The following USP39 variants were observed in gnomAD, a reference collection of about 807,000 sequenced individuals.
USP39 encodes ubiquitin specific peptidase 39.
In USP39, 38 loss-of-function variants were observed where a neutral mutation model predicts 66.4. That is an observed-to-expected ratio of 0.57 (90% confidence interval 0.44 to 0.75). The LOEUF is 0.75. Among genes scored for constraint, USP39 ranks in the 30% least tolerant of loss-of-function variants. USP39 has a pLI of 0.00. For missense variants in USP39, 608 were observed against 714.4 expected (o/e 0.85, Z 1.70); for synonymous variants, 303 against 274.6 (o/e 1.10, Z -1.02).
chr2:85,639,129 TA>T, intron 8 of USP39, 73 bp from the exon 9 acceptor site: 1 of 1,417,372 alleles, frequency 7.1e-7, no homozygotes, highest in Non-Finnish European at 9.5e-7. Context: ...GTCGGCGTGG[TA>T]AAACATCGGT....
upstream of USP39, chr2:85,611,813 G>A (rs754991564): frequency 1.2e-6 from 2 of 1,608,966 alleles, no homozygotes; most frequent in Non-Finnish European, 1.7e-6. Context: ...GGGAGTCAGG[G>A]ACTGTCGGGC....
chr2:85,609,567 G>A (rs186499615), upstream of USP39: 123 of 1,614,208 alleles, frequency 7.6e-5, no homozygotes, highest in Admixed American at 1.8e-4. Flanking sequence ...AGTCTGGGTT[G>A]CGTGGGTGGG....
chr2:85,646,860 C>T (rs1175868736), intron 11 of USP39, among the ~76,000 whole-genome samples: 3 of 147,354 alleles, frequency 2.0e-5, no homozygotes, highest in Non-Finnish European at 3.0e-5. Context: ...CCACCAAGGA[C>T]ACCTTTTCTT....
upstream of USP39, chr2:85,607,221 G>T (rs1368901472): frequency 6.6e-6 from 1 of 152,200 alleles, no homozygotes; most frequent in Admixed American, 6.5e-5. Flanking sequence ...GAAATCCTAT[G>T]TTCCAAGTCA....
intron 10 of USP39, among the ~76,000 whole-genome samples, chr2:85,643,851 C>T (rs369842326): frequency 1.2e-4 from 19 of 152,014 alleles, no homozygotes; most frequent in African/African-American, 4.6e-4. Context: ...CAGGGTTTCA[C>T]GATGTTACCC....
intron 10 of USP39, 127 bp downstream of exon 10, chr2:85,641,245 A>G: frequency 8.8e-7 from 1 of 1,137,584 alleles, no homozygotes; most frequent in Non-Finnish European, 1.2e-6. Context: ...TACCTACAGT[A>G]GATAAGAGTT....
rs1674792194 is a variant in USP39, at chr2:85,625,603, C to T, written c.635C>T (p.Ser212Phe). Residue 212 changes from serine to phenylalanine, a missense_variant, in exon 5 of 13, where the codon TCC becomes TTC. By Grantham distance (155) the Ser-to-Phe change is radical. Transcript: ENST00000323701. The part of the protein sequence containing the change: ...IANLDKQAKL[S>F]RAYDGTTYLP... ...AACTTGGACAAGCAAGCCAAATTGT[C>T]CCGGGCATATGATGGTACCACTTAC... 1 of 1,614,144 alleles carries T rather than the reference C, an allele frequency of 6.2e-7. No individual in the cohort carries two copies. Among genetic ancestry groups the T allele is most frequent in the South Asian group, 1.1e-5 (1 of 91,074 alleles).
Position 85,625,696 on chromosome 2 carries a change from G to C in USP39, c.723+5G>C, listed in dbSNP as rs1236428010. On this transcript the variant is annotated splice_donor_5th_base_variant and intron_variant, in intron 5 of 12. Transcript: ENST00000323701. The stretch of plus-strand genomic sequence containing the variant: ...TATGCCAACGCTGTCCTTCAGGTAA[G>C]ATCAAGACGGGAACATTGAGGAAGA... 1 of 1,610,772 alleles carries C rather than the reference G, an allele frequency of 6.2e-7. No individual in the cohort carries two copies. The highest frequency in any genetic ancestry group is 2.2e-5 in the East Asian group (1 of 44,740).
chr2:85,611,601 A>G, upstream of USP39: 1 of 1,554,430 alleles, frequency 6.4e-7, no homozygotes, highest in South Asian at 1.2e-5. Flanking sequence ...GTTTTTCCCT[A>G]TAGAGAAGGG....
At chr2:85,605,559 G>C (rs1262614414) in intron 1 of USP39, among the ~76,000 whole-genome samples, 1 of 152,174 alleles carries the variant, frequency 6.6e-6, no homozygotes, top group Non-Finnish European at 1.5e-5. Flanking sequence ...GACAGGACAG[G>C]AATTCAGCAA....
chr2:85,638,548 A>G (rs980510682), intron 8 of USP39, among the ~76,000 whole-genome samples: 1 of 151,322 alleles, frequency 6.6e-6, no homozygotes, highest in Non-Finnish European at 1.5e-5. Flanking sequence ...TAATTTATTT[A>G]TTTTATTGAG....
Position 85,616,375 on chromosome 2 carries a change from C to G in USP39, c.180C>G (p.Arg60=). 1.9e-6 allele frequency: 3 copies of G among 1,601,538 alleles called. No homozygotes were observed. The highest frequency in any genetic ancestry group is 1.7e-4 in the Middle Eastern group (1 of 6,004). ...VKREFEPASA[R]EAPASVVPFV... is the part of the protein sequence containing the mutation. ...GGGAGTTCGAGCCGGCGAGCGCGCG[C>G]GAGGCCCCGGCTTCTGTTGTCCCGT... Residue 60 remains arginine (R), a synonymous_variant, in exon 1 of 13, where the codon CGC becomes CGG. Coordinates refer to ENST00000323701, the MANE Select transcript of USP39 (RefSeq NM_006590.4).
At chr2:85,612,047 A>T (rs1573380172), upstream of USP39, 2 of 1,241,138 alleles carry the variant, frequency 1.6e-6, no homozygotes, top group Non-Finnish European at 2.2e-6. Context: ...ACCCGCCCAC[A>T]GAGCTCCGCG....
intron 8 of USP39, among the ~76,000 whole-genome samples, chr2:85,638,539 AATTT>A (rs912660715): frequency 1.4e-5 from 2 of 143,034 alleles, no homozygotes; most frequent in African/African-American, 6.0e-5. Context: ...TTAATTAATT[AATTT>A]ATTTATTTTA....
chr2:85,609,025 T>C, upstream of USP39: 1 of 1,614,234 alleles, frequency 6.2e-7, no homozygotes, highest in Non-Finnish European at 8.5e-7. Flanking sequence ...TCCAGAGGCG[T>C]GTGTGCCGAC....
At chr2:85,603,725 G>A (rs1673096560) in intron 1 of USP39, among the ~76,000 whole-genome samples, 1 of 151,834 alleles carries the variant, frequency 6.6e-6, no homozygotes, top group Non-Finnish European at 1.5e-5. Flanking sequence ...CCGAGTAGCT[G>A]GGAACTACAG....
At chr2:85,626,554 A>T (rs1400937415) in intron 5 of USP39, among the ~76,000 whole-genome samples, 3 of 152,114 alleles carry the variant, frequency 2.0e-5, no homozygotes, top group African/African-American at 7.2e-5. Flanking sequence ...GGAATGAGGG[A>T]CCGAATCTGT....
At position 85,619,301 on chromosome 2, in the gene USP39, A is replaced by G. The variant is rs369282331; in HGVS notation, c.338+12A>G. On this transcript the variant is annotated intron_variant, in intron 2 of 12. Transcript: ENST00000323701. ...GACACCATTAACAGGTCAGTAGGACAGAGATGCTGAGTATAGCACAAGAAC... is the reference window on the plus strand; with the variant it reads ...GACACCATTAACAGGTCAGTAGGACGGAGATGCTGAGTATAGCACAAGAAC... 1 of 1,611,944 alleles carries G rather than the reference A, an allele frequency of 6.2e-7. No homozygotes were observed. The highest frequency in any genetic ancestry group is 8.5e-7 in the Non-Finnish European group (1 of 1,179,052).
chr2:85,612,289 C>A (rs552181127), upstream of USP39: 2 of 1,534,032 alleles, frequency 1.3e-6, no homozygotes, highest in African/African-American at 1.4e-5. Context: ...GATACCAGAA[C>A]CTTCAGAAAA....
Sources: allele counts gnomAD v4.1 joint callset (sites outside exome capture counted in the v4.1 genomes callset), GRCh38; gene constraint gnomAD v4.1.1; transcripts MANE v1.5; gene names NCBI Gene and HGNC (gene_info 2026-07-23, HGNC 2026-07-21).